ACTG2: variants seen among roughly 807,000 people sequenced by gnomAD.
ACTG2 encodes the protein actin gamma 2, smooth muscle.
A neutral mutation model predicts 37.6 loss-of-function variants in ACTG2; 16 were observed. That is an observed-to-expected ratio of 0.43 (90% CI 0.29 to 0.65). ACTG2 has a LOEUF of 0.65. Ranked by LOEUF, ACTG2 falls within the 30% of genes least tolerant of loss-of-function variation. The probability of loss-of-function intolerance (pLI) is 0.18; values close to 1 mark genes in which losing one functional copy is unlikely to be tolerated. For missense variants in ACTG2, 238 were observed against 490.9 expected, an observed-to-expected ratio of 0.48 and a Z score of 4.87; for synonymous variants, 181 against 179.9, an observed-to-expected ratio of 1.01 and a Z score of -0.05.
chr2:73,897,729 C>T (rs1679780270), intron 1 of ACTG2, among the ~76,000 whole-genome samples: 1 of 152,194 alleles, frequency 6.6e-6, no homozygotes, highest in Non-Finnish European at 1.5e-5. Flanking sequence ...GTTCTGGAGG[C>T]TGGGACATCC....
chr2:73,904,777 GTATATATATATATATA>G lies in ACTG2; in HGVS notation c.255+2312_255+2327del, dbSNP rs199782884. On this transcript the variant is annotated intron_variant, in intron 3 of 8. Transcript: ENST00000345517. ...TGTGTGTGTGTGTGTGTGTGTGTGT[GTATATATATATATATA>G]TATATATATATATATATATATAATC... 8.1e-3 allele frequency among the ~76,000 whole-genome samples: 346 copies of G among 42,622 alleles called. 3 individuals carry two copies. The East Asian group carries it at 0.086, about 11-fold the overall frequency. 28.0% of individuals were successfully genotyped at this position (42,622 alleles called of 152,430 possible).
chr2:73,895,985 A>G (rs932727053), intron 1 of ACTG2, among the ~76,000 whole-genome samples: 3 of 152,210 alleles, frequency 2.0e-5, no homozygotes, highest in Non-Finnish European at 4.4e-5. Context: ...TTTGAATGTC[A>G]TATAATTTCC....
intron 7 of ACTG2, among the ~76,000 whole-genome samples, chr2:73,915,505 G>A (rs1372097340): frequency 7.2e-6 from 1 of 138,336 alleles, no homozygotes; most frequent in Non-Finnish European, 1.6e-5. Flanking sequence ...GGGCAACAGG[G>A]TGAGATTCTG....
At chr2:73,904,945 TAAGC>T (rs1679987777) in intron 3 of ACTG2, among the ~76,000 whole-genome samples, 1 of 151,098 alleles carries the variant, frequency 6.6e-6, no homozygotes, top group Admixed American at 6.6e-5. Flanking sequence ...CAGAAATAAA[TAAGC>T]AACAATTATG....
chr2:73,916,314 G>T (rs572932568), intron 7 of ACTG2, among the ~76,000 whole-genome samples: 59 of 151,238 alleles, frequency 3.9e-4, no homozygotes, highest in Middle Eastern at 6.8e-3. Flanking sequence ...ATCAGAGGTT[G>T]CAGTGAGCTG....
chr2:73,907,225 T>C (rs966619740), intron 3 of ACTG2, among the ~76,000 whole-genome samples: 1 of 152,192 alleles, frequency 6.6e-6, no homozygotes, highest in Non-Finnish European at 1.5e-5. Flanking sequence ...CTCTGGACTT[T>C]GCAACTGAGA....
rs140976973 is a variant in ACTG2 at position 73,909,090 on chromosome 2, C to T, written c.402C>T (p.Tyr134=). 3.4e-5 allele frequency: 55 copies of T among 1,613,984 alleles called. No individual in the cohort carries two copies. In the African/African-American group the frequency reaches 4.7e-4, roughly 14 times the overall value. Residue 134 remains tyrosine (Y), a synonymous_variant, in exon 5 of 9, where the codon TAC becomes TAT. Coordinates refer to ENST00000345517, the MANE Select transcript of ACTG2 (RefSeq NM_001615.4). The part of the protein sequence containing the change: ...MFETFNVPAM[Y]VAIQAVLSLY... ...AAACCTTCAATGTCCCTGCCATGTA[C>T]GTCGCCATTCAAGCTGTGCTCTCCC...
At chr2:73,913,853 C>T (rs558257787) in intron 6 of ACTG2, among the ~76,000 whole-genome samples, 10 of 152,228 alleles carry the variant, frequency 6.6e-5, no homozygotes, top group Non-Finnish European at 1.5e-4. Context: ...CCAGCTGCCT[C>T]TGTCCACGTC....
chr2:73,906,465 A>AAATAAAT (rs1553395537), intron 3 of ACTG2, among the ~76,000 whole-genome samples: 2,426 of 149,846 alleles, frequency 0.016, 46 homozygotes, highest in African/African-American at 0.045. Flanking sequence ...TAAAAAATAA[A>AAATAAAT]AAATAAATAA....
At chr2:73,897,643 C>A (rs948632673) in intron 1 of ACTG2, among the ~76,000 whole-genome samples, 1 of 152,232 alleles carries the variant, frequency 6.6e-6, no homozygotes, top group Non-Finnish European at 1.5e-5. Flanking sequence ...CACCTACTGT[C>A]TTAATCCATG....
chr2:73,918,351 G>C (rs990900244), intron 8 of ACTG2, among the ~76,000 whole-genome samples: 1 of 152,148 alleles, frequency 6.6e-6, no homozygotes, highest in Non-Finnish European at 1.5e-5. Flanking sequence ...AATAAAATTT[G>C]TTACCTTGCT....
At chr2:73,894,550 G>C (rs577882645) in intron 1 of ACTG2, among the ~76,000 whole-genome samples, 1 of 152,270 alleles carries the variant, frequency 6.6e-6, no homozygotes, top group African/African-American at 2.4e-5. Flanking sequence ...CTGCTCCTTA[G>C]GGACAGTGGA....
intron 3 of ACTG2, among the ~76,000 whole-genome samples, chr2:73,903,827 C>T (rs181770425): frequency 2.8e-4 from 42 of 151,242 alleles, no homozygotes; most frequent in African/African-American, 9.5e-4. Flanking sequence ...GTAATCCCAG[C>T]TACTCGGGAG....
At chr2:73,914,550 C>G (rs971560999) in intron 6 of ACTG2, 130 bp from the exon 7 acceptor site, 2 of 698,768 alleles carry the variant, frequency 2.9e-6, no homozygotes, top group African/African-American at 2.2e-5. Context: ...CAGAGTGAGA[C>G]TCTGTCTCAA....
intron 1 of ACTG2, among the ~76,000 whole-genome samples, chr2:73,900,477 C>T (rs1679851206): frequency 6.6e-6 from 1 of 152,226 alleles, no homozygotes; most frequent in South Asian, 2.1e-4. Context: ...CATTATTTTG[C>T]ATCCATCCCA....
At chr2:73,904,668 TA>T (rs963400116) in intron 3 of ACTG2, among the ~76,000 whole-genome samples, 1 of 148,544 alleles carries the variant, frequency 6.7e-6, no homozygotes. Flanking sequence ...TATTTTTTTT[TA>T]AAAATGTATA....
intron 7 of ACTG2, 81 bp from the exon 8 acceptor site, chr2:73,916,503 G>A (rs542481421): frequency 4.4e-5 from 58 of 1,325,702 alleles, no homozygotes; most frequent in South Asian, 2.7e-4. Context: ...TGCAACAATC[G>A]AAGAAGGGTC....
chr2:73,909,074 A>G lies in ACTG2; in HGVS notation c.386A>G (p.Asn129Ser), dbSNP rs774695960. 1.4e-5 allele frequency: 22 copies of G among 1,614,000 alleles called. No homozygotes were observed. The highest frequency in any genetic ancestry group is 1.4e-5 in the Non-Finnish European group (17 of 1,179,998). ...TTTAAGATCATGTTTGAAACCTTCAATGTCCCTGCCATGTACGTCGCCATT... is the reference window on the plus strand; with the variant it reads ...TTTAAGATCATGTTTGAAACCTTCAGTGTCCCTGCCATGTACGTCGCCATT... ...KMTQIMFETF[N>S]VPAMYVAIQA... The change falls in exon 5 of 9, where the codon AAT becomes AGT. Residue 129 changes from asparagine to serine, a missense_variant. Physicochemically the swap from Asn to Ser is conservative, Grantham distance 46 (BLOSUM62 1). Coordinates refer to ENST00000345517, the MANE Select transcript of ACTG2 (RefSeq NM_001615.4).
At chr2:73,919,299 CT>C in intron 8 of ACTG2, 132 bp from the exon 9 acceptor site, 1 of 1,086,134 alleles carries the variant, frequency 9.2e-7, no homozygotes, top group South Asian at 1.6e-5. Flanking sequence ...GAGCAATAAT[CT>C]AATCTATCAC....
Sources: gnomAD v4.1 joint callset for allele counts (sites outside exome capture counted in the v4.1 genomes callset) on GRCh38, gnomAD v4.1.1 for gene constraint, MANE v1.5 for transcripts, NCBI Gene and HGNC (gene_info 2026-07-23, HGNC 2026-07-21) for gene names.